Variants in TNXB observed in about 807,000 individuals in gnomAD.
The protein encoded by TNXB is tenascin XB, also known as tenascin-X.
TNXB carries 183 observed loss-of-function variants against 340.5 expected under a neutral mutation model. The ratio of observed to expected loss-of-function variants is 0.54; its 90% CI spans 0.48 to 0.61. TNXB has a LOEUF of 0.61. Among genes scored for constraint, TNXB ranks in the 20% least tolerant of loss-of-function variants. The probability of loss-of-function intolerance (pLI) is 0.00; values close to 1 mark genes in which losing one functional copy is unlikely to be tolerated. For synonymous variants in TNXB, 2,121 were observed against 2,314.5 expected (o/e 0.92, Z 2.40); for missense variants, 4,613 against 5,446.4 (o/e 0.85, Z 4.82).
intron 29 of TNXB, 21 bp downstream of exon 29, chr6:32,048,342 A>C: frequency 6.8e-7 from 1 of 1,473,190 alleles, no homozygotes; most frequent in Non-Finnish European, 9.0e-7. Flanking sequence ...TGGCCGCGGG[A>C]GGCCTCCAGC....
Position 32,089,434 on chromosome 6 carries a change from C to T in TNXB, c.2359-55G>A, listed in dbSNP as rs2127274220. On this transcript the variant is annotated intron_variant, in intron 4 of 43. Transcript: ENST00000644971. The surrounding 1 kb of genome is among the most constrained non-coding windows in gnomAD (Gnocchi z 6.2). ...GGCTGGCACTCTTGCCTCTGCTGCT[C>T]AATCCCCCTTATCTCTTCTTTCTCC... The T allele has an allele frequency of 6.4e-7, 1 of 1,552,996 alleles. No homozygotes were observed. The highest frequency in any genetic ancestry group is 8.7e-7 in the Non-Finnish European group (1 of 1,149,878).
Position 32,082,076 on chromosome 6 carries a change from G to C in TNXB, c.3696C>G (p.Asn1232Lys). 2 of 1,609,118 alleles carry C rather than the reference G, an allele frequency of 1.2e-6. No individual in the cohort carries two copies. The highest frequency in any genetic ancestry group is 1.7e-6 in the Non-Finnish European group (2 of 1,178,064). Residue 1232 changes from asparagine to lysine, a missense_variant, in exon 9 of 44, where the codon AAC becomes AAG. This residue lies in a region of TNXB where 4,327 missense variants were observed against 4,859.4 expected (regional missense o/e 0.89). Transcript: ENST00000644971. The surrounding 1 kb of genome is among the most constrained non-coding windows in gnomAD (Gnocchi z 5.0). ...KYRFTLFGIA[N>K]KKRYGPLTAD... Reference sequence around the variant, plus strand: ...CCGTGAGGGGGCCATACCGCTTCTTGTTCGCAATTCCAAACAGAGTGAATC... The same window carrying C: ...CCGTGAGGGGGCCATACCGCTTCTTCTTCGCAATTCCAAACAGAGTGAATC...
rs1779862080 is a variant in TNXB at position 32,087,596 on chromosome 6, G to A, written c.2779+1189C>T. On this transcript the variant is annotated intron_variant, in intron 6 of 43. Transcript: ENST00000644971. This position sits in a 1 kb window ranked among gnomAD's most constrained non-coding sequence, Gnocchi z 9.0. ...TTGGAGTCCCGTTTCCTGGTGCCGG[G>A]ATCAGGGCTGGCGGTGGGGCGGGGG... The A allele has an allele frequency of 2.7e-6, 1 of 376,142 alleles. No individual in the cohort carries two copies. Among genetic ancestry groups the A allele is most frequent in the Non-Finnish European group, 5.3e-6 (1 of 190,218 alleles). The allele number at this position is 376,142 out of a possible 1,614,324, so 23.3% of individuals were successfully genotyped here.
rs767306230 is a variant in TNXB, at chr6:32,082,352, G to C, written c.3446-26C>G. The C allele has an allele frequency of 1.3e-6, 2 of 1,565,850 alleles. No homozygotes were observed. The highest frequency in any genetic ancestry group is 2.4e-5 in the South Asian group (2 of 84,354). On this transcript the variant is annotated intron_variant, in intron 8 of 43. Transcript: ENST00000644971. This position sits in a 1 kb window ranked among gnomAD's most constrained non-coding sequence, Gnocchi z 5.0. ...CTAGGAAGAGTGGGTAGAGAGAAGG[G>C]AGAGACTTAGGTCCAAGGAGAATGG...
chr6:32,065,770 G>A lies in TNXB; in HGVS notation c.6545-653C>T, dbSNP rs186801064. Among the ~76,000 whole-genome samples, 54 of 152,092 alleles carry A rather than the reference G, an allele frequency of 3.6e-4. No homozygotes were observed. In the East Asian group the frequency reaches 4.8e-3, roughly 14 times the overall value. ...GCCAAGTAGCTGGGACTACAGGCAC[G>A]TGCCACCACGCTCCGCTTTTTTGTA... On this transcript the variant is annotated intron_variant, in intron 18 of 43. Coordinates refer to ENST00000644971, the MANE Select transcript of TNXB (RefSeq NM_001365276.2).
rs754446472 is a variant in TNXB at position 32,047,911 on chromosome 6, C to A, written c.10147G>T (p.Asp3383Tyr). ...TCCTTGTACTGGACCACGAAGGAGT[C>A]GAATTCGCCCTCAGGGACCGTCCAC... ...LSWTVPEGEF[D>Y]SFVVQYKDKD... The change falls in exon 30 of 44, where the codon GAC (aspartate) becomes TAC (tyrosine). Residue 3383 changes from aspartate to tyrosine, a missense_variant. Physicochemically the swap from Asp to Tyr is radical, Grantham distance 160 (BLOSUM62 -3). This residue lies in a region of TNXB where 4,327 missense variants were observed against 4,859.4 expected (regional missense o/e 0.89). Coordinates refer to ENST00000644971, the MANE Select transcript of TNXB (RefSeq NM_001365276.2). The surrounding 1 kb of genome is among the most constrained non-coding windows in gnomAD (Gnocchi z 6.2). The A allele has an allele frequency of 1.9e-6, 3 of 1,612,570 alleles. No homozygotes were observed. Among genetic ancestry groups the A allele is most frequent in the South Asian group, 1.1e-5 (1 of 91,034 alleles).
In TNXB at chr6:32,069,797, C is replaced by T. The variant is rs1010502543; in HGVS notation, c.5343G>A (p.Glu1781=). 4 of 1,610,356 alleles carry T rather than the reference C, an allele frequency of 2.5e-6. No homozygotes were observed. Among genetic ancestry groups the T allele is most frequent in the Non-Finnish European group, 3.4e-6 (4 of 1,178,490 alleles). Residue 1781 remains glutamate, a synonymous_variant, in exon 15 of 44, where the codon GAG becomes GAA. Transcript: ENST00000644971. This position sits in a 1 kb window ranked among gnomAD's most constrained non-coding sequence, Gnocchi z 6.2. ...TCTGGGTCACGGTGGTCACCTGCAGCTCCTCCCCCAGACGGGGTTTTGGGG... is the reference window on the plus strand; with the variant it reads ...TCTGGGTCACGGTGGTCACCTGCAGTTCCTCCCCCAGACGGGGTTTTGGGG... ...KRPPKPRLGE[E]LQVTTVTQNS...
rs1327418641 is a variant in TNXB, at chr6:32,047,433, G to C, written c.10324+301C>G. ...AGCATTATGCAGGTGAGGACACTGA[G>C]GTCCCGGGGATGAAGCGGCTTGTCC... On this transcript the variant is annotated intron_variant, in intron 30 of 43. Coordinates refer to ENST00000644971, the MANE Select transcript of TNXB (RefSeq NM_001365276.2). This position sits in a 1 kb window ranked among gnomAD's most constrained non-coding sequence, Gnocchi z 6.2. Among the ~76,000 whole-genome samples, 4 of 152,220 alleles carry C rather than the reference G, an allele frequency of 2.6e-5. No individual in the cohort carries two copies. The highest frequency in any genetic ancestry group is 5.9e-5 in the Non-Finnish European group (4 of 68,032).
intron 38 of TNXB, 40 bp from the exon 39 acceptor site, chr6:32,042,871 G>C: frequency 2.2e-6 from 1 of 454,826 alleles, no homozygotes; most frequent in Non-Finnish European, 3.7e-6. Context: ...AGAGGGAGGT[G>C]GAGACCCTCC....
Position 32,102,116 on chromosome 6 carries a change from A to G in TNXB, c.-8-3910T>C, listed in dbSNP as rs1346190371. Among the ~76,000 whole-genome samples, 7 of 152,310 alleles carry G rather than the reference A, an allele frequency of 4.6e-5. No individual in the cohort carries two copies. The South Asian group carries it at 1.0e-3, about 23-fold the overall frequency. ...AAGATGCCACTAAATATCCTCCAGA[A>G]TGCTTGTCCCTCTTCAAAGAGGCTG... On this transcript the variant is annotated intron_variant, in intron 1 of 43. Coordinates refer to ENST00000644971, the MANE Select transcript of TNXB (RefSeq NM_001365276.2).
Position 32,046,567 on chromosome 6 carries a change from A to AG in TNXB, c.10325-112dup, listed in dbSNP as rs1776900945. Reference sequence around the variant, plus strand: ...GAAATGGTCCCTCCAGTGTAGCCCCAGGGACAGCTCCTTGAGGAGACACAC... The same window carrying AG: ...GAAATGGTCCCTCCAGTGTAGCCCCAGGGGACAGCTCCTTGAGGAGACACAC... On this transcript the variant is annotated intron_variant, in intron 30 of 43. Transcript: ENST00000644971. The surrounding 1 kb of genome is among the most constrained non-coding windows in gnomAD (Gnocchi z 6.9). The AG allele has an allele frequency of 1.0e-6, 1 of 977,764 alleles. No homozygotes were observed. Among genetic ancestry groups the AG allele is most frequent in the African/African-American group, 1.6e-5 (1 of 61,360 alleles). The allele number at this position is 977,764 out of a possible 1,614,324, so 60.6% of individuals were successfully genotyped here.
At chr6:32,050,921 G>A (rs1182870883) in intron 26 of TNXB, among the ~76,000 whole-genome samples, 1 of 152,280 alleles carries the variant, frequency 6.6e-6, no homozygotes, top group Middle Eastern at 3.4e-3. Flanking sequence ...CCACAGATGA[G>A]CTTCACACAG....
Position 32,056,108 on chromosome 6 carries a change from G to T in TNXB, c.8210C>A (p.Pro2737Gln), listed in dbSNP as rs562786887. ...STEAPEPPEE[P>Q]LLGELTVTGS... ...TGTCACTGTCAGCTCCCCCAGGAGC[G>T]GCTCCTCAGGGGGCTCCGGGGCCTC... The change falls in exon 24 of 44, where the codon CCG (proline) becomes CAG (glutamine). Residue 2737 changes from proline (P) to glutamine (Q), a missense_variant. Pro to Gln is a moderately conservative substitution (Grantham distance 76). Transcript: ENST00000644971. The T allele has an allele frequency of 1.2e-6, 2 of 1,612,538 alleles. No individual in the cohort carries two copies. Among genetic ancestry groups the T allele is most frequent in the Admixed American group, 3.3e-5 (2 of 59,988 alleles).
rs757891751 is a variant in TNXB, at chr6:32,079,030, C to A, written c.4375+3G>T. The A allele has an allele frequency of 6.2e-7, 1 of 1,610,730 alleles. No individual in the cohort carries two copies. Among genetic ancestry groups the A allele is most frequent in the Non-Finnish European group, 8.5e-7 (1 of 1,178,770 alleles). On this transcript the variant is annotated splice_donor_region_variant and intron_variant, in intron 11 of 43. Transcript: ENST00000644971. This position sits in a 1 kb window ranked among gnomAD's most constrained non-coding sequence, Gnocchi z 7.1. The stretch of plus-strand genomic sequence containing the variant: ...CCAAAGCAGGCCCCTGCCCCTCACT[C>A]ACCTGTCACGCCCACGGCGGACACC...
intron 11 of TNXB, among the ~76,000 whole-genome samples, chr6:32,077,055 T>C (rs1779120282): frequency 6.6e-6 from 1 of 152,110 alleles, no homozygotes; most frequent in Non-Finnish European, 1.5e-5. Context: ...GGAACTCAGT[T>C]TGTCAGATTC....
Position 32,089,365 on chromosome 6 carries a change from G to T in TNXB, c.2373C>A (p.Ser791Arg), listed in dbSNP as rs112581362. 1 of 1,606,750 alleles carries T rather than the reference G, an allele frequency of 6.2e-7. No individual in the cohort carries two copies. Among genetic ancestry groups the T allele is most frequent in the Middle Eastern group, 1.7e-4 (1 of 6,060 alleles). Residue 791 changes from serine (S) to arginine (R), a missense_variant, in exon 5 of 44, where the codon AGC (serine) becomes AGA (arginine). By Grantham distance (110) the Ser-to-Arg change is moderately radical. This residue lies in a region of TNXB where 4,327 missense variants were observed against 4,859.4 expected (regional missense o/e 0.89). Coordinates refer to ENST00000644971, the MANE Select transcript of TNXB (RefSeq NM_001365276.2). This position sits in a 1 kb window ranked among gnomAD's most constrained non-coding sequence, Gnocchi z 6.2. ...TTGGAACCCGTGCTGTGAATGGGGG[G>T]CTCGCCCCCTCTGTCTGTGAGAGAG... ...IQFIPTTEGA[S>R]PPFTARVPSS...
rs1227303641 is a variant in TNXB, at chr6:32,093,306, TCG to T, written c.2358+1768_2358+1769del. The T allele has an allele frequency of 1.6e-5, 11 of 681,856 alleles. No individual in the cohort carries two copies. The South Asian group carries it at 1.7e-4, about 10-fold the overall frequency. The allele number at this position is 681,856 out of a possible 1,614,324, so 42.2% of individuals were successfully genotyped here. ...TTTCTCTAGTTGCCAAATTCTTGTC[TCG>T]TGATTAAAGTATTTTTATAACAACA... On this transcript the variant is annotated intron_variant, in intron 4 of 43. Transcript: ENST00000644971.
At position 32,061,502 on chromosome 6, in the gene TNXB, C is replaced by T. The variant is rs373402661; in HGVS notation, c.7387G>A (p.Glu2463Lys). The change falls in exon 21 of 44, where the codon GAG becomes AAG. Residue 2463 changes from glutamate (E) to lysine (K), a missense_variant. By Grantham distance (56) the Glu-to-Lys change is moderately conservative. This residue lies in a region of TNXB where 4,327 missense variants were observed against 4,859.4 expected (regional missense o/e 0.89). Transcript: ENST00000644971. The surrounding 1 kb of genome is among the most constrained non-coding windows in gnomAD (Gnocchi z 4.4). The stretch of plus-strand genomic sequence containing the variant: ...GGCTCCAGGCCCCCCACGGTGACCT[C>T]GCTCTCCTCGCCCCCAACACGCACC... ...QVVRVGGEES[E>K]VTVGGLEPGR... 54 of 1,613,576 alleles carry T rather than the reference C, an allele frequency of 3.3e-5. No individual in the cohort carries two copies. Among genetic ancestry groups the T allele is most frequent in the African/African-American group, 5.3e-5 (4 of 74,882 alleles).
At chr6:32,100,790 AT>A (rs1415318042) in intron 1 of TNXB, among the ~76,000 whole-genome samples, 1 of 152,098 alleles carries the variant, frequency 6.6e-6, no homozygotes, top group Admixed American at 6.6e-5. Flanking sequence ...CATTAAGAGA[AT>A]AAGAAGGCAG....
Sources: allele counts gnomAD v4.1 joint callset (sites outside exome capture counted in the v4.1 genomes callset), GRCh38; gene constraint gnomAD v4.1.1; regional missense constraint gnomAD v4.1.1; non-coding constraint Gnocchi (gnomAD v3.1); transcripts MANE v1.5; gene names NCBI Gene and HGNC (gene_info 2026-07-23, HGNC 2026-07-21).